The following FAM227B variants were observed in gnomAD, a reference collection of about 807,000 sequenced individuals.
FAM227B encodes the protein protein FAM227B.
FAM227B carries 88 observed loss-of-function variants against 73.8 expected under a neutral mutation model. The observed-to-expected ratio is 1.19, with a 90% CI of 1.00 to 1.42. The LOEUF is 1.42. Ranked by LOEUF, FAM227B falls within the 40% of genes most tolerant of loss-of-function variation. The pLI is 0.00. For missense variants in FAM227B, 632 were observed against 590.9 expected (o/e 1.07, Z -0.72); for synonymous variants, 210 against 190.5 (o/e 1.10, Z -0.84).
chr15:49,347,853 T>C (rs1220851353), intron 13 of FAM227B, among the ~76,000 whole-genome samples: 4 of 151,952 alleles, frequency 2.6e-5, no homozygotes, highest in African/African-American at 9.7e-5. Context: ...ACCCCGTCTC[T>C]ACTAAAAATA....
chr15:49,576,522 G>A (rs564643398), intron 7 of FAM227B: 15 of 421,154 alleles, frequency 3.6e-5, no homozygotes, highest in Admixed American at 2.0e-4. Context: ...GCCAGTGTAC[G>A]CTAGCAACCT....
chr15:49,460,123 G>A (rs1317215925), intron 11 of FAM227B, among the ~76,000 whole-genome samples: 2 of 152,060 alleles, frequency 1.3e-5, no homozygotes, highest in Non-Finnish European at 2.9e-5. Flanking sequence ...TCAAGCCAGA[G>A]CATCAGGTAT....
intron 11 of FAM227B, chr15:49,424,595 T>C: frequency 1.3e-6 from 2 of 1,551,930 alleles, no homozygotes; most frequent in Non-Finnish European, 1.7e-6. Context: ...TAAGTAATTT[T>C]AAGTACTGCT....
At chr15:49,413,039 C>A (rs929545880) in intron 11 of FAM227B, among the ~76,000 whole-genome samples, 4 of 152,084 alleles carry the variant, frequency 2.6e-5, no homozygotes, top group Non-Finnish European at 5.9e-5. Flanking sequence ...CACCATTTAT[C>A]CAGTTACAAA....
intron 10 of FAM227B, among the ~76,000 whole-genome samples, chr15:49,529,653 C>A (rs60728602): frequency 0.32 from 47,922 of 151,380 alleles, 8,162 homozygotes; most frequent in African/African-American, 0.42. Flanking sequence ...AACTATAGTG[C>A]AATATCACAC....
intron 11 of FAM227B, chr15:49,486,125 A>G (rs2056384622): frequency 6.6e-6 from 1 of 152,060 alleles, no homozygotes; most frequent in Non-Finnish European, 1.5e-5. Flanking sequence ...TATGCTAACC[A>G]CTGTGGTTTT....
chr15:49,510,349 TAAAAATGA>T (rs1195205978), intron 10 of FAM227B, among the ~76,000 whole-genome samples: 4 of 152,168 alleles, frequency 2.6e-5, no homozygotes, highest in African/African-American at 9.6e-5. Context: ...ATTGAGACTT[TAAAAATGA>T]ATCTGCTATA....
intron 11 of FAM227B, among the ~76,000 whole-genome samples, chr15:49,411,355 G>A (rs934708899): frequency 3.3e-5 from 5 of 151,894 alleles, no homozygotes; most frequent in Non-Finnish European, 7.4e-5. Context: ...ATATATTCTA[G>A]GTATGCTAAA....
intron 9 of FAM227B, among the ~76,000 whole-genome samples, chr15:49,543,941 A>G (rs1255768348): frequency 2.6e-5 from 4 of 152,108 alleles, no homozygotes; most frequent in Non-Finnish European, 4.4e-5. Context: ...TGATGCCTCT[A>G]AATTTGTTCT....
chr15:49,495,207 C>G lies in FAM227B; in HGVS notation c.1012+13004G>C, dbSNP rs1874613. Among the ~76,000 whole-genome samples the G allele has an allele frequency of 2.9e-3, 441 of 152,250 alleles. 7 individuals carry two copies. Among genetic ancestry groups the G allele is most frequent in the South Asian group, 0.026 (127 of 4,814 alleles). On this transcript the variant is annotated intron_variant, in intron 11 of 15. Coordinates refer to ENST00000299338, the MANE Select transcript of FAM227B (RefSeq NM_152647.3). ...TCTGGGGGAGGTATTTGCAGGCGAT[C>G]TTATGGTAGACATGGAAAATTATCT...
At chr15:49,385,660 A>G (rs922352459) in intron 11 of FAM227B, among the ~76,000 whole-genome samples, 4 of 151,744 alleles carry the variant, frequency 2.6e-5, no homozygotes, top group African/African-American at 7.3e-5. Context: ...TCTCAATATT[A>G]ATGTTGACTG....
At chr15:49,402,632 T>G (rs1308933065) in intron 11 of FAM227B, among the ~76,000 whole-genome samples, 1 of 152,208 alleles carries the variant, frequency 6.6e-6, no homozygotes, top group Non-Finnish European at 1.5e-5. Context: ...CACATTGATT[T>G]TGTATCCTGG....
chr15:49,548,045 T>G (rs2072205794), intron 9 of FAM227B, among the ~76,000 whole-genome samples: 2 of 152,198 alleles, frequency 1.3e-5, no homozygotes, highest in African/African-American at 4.8e-5. Flanking sequence ...CAGATGGAAT[T>G]CCAGTACTAT....
intron 11 of FAM227B, among the ~76,000 whole-genome samples, chr15:49,405,921 T>C (rs1329002597): frequency 1.3e-5 from 2 of 152,214 alleles, no homozygotes; most frequent in Non-Finnish European, 2.9e-5. Context: ...TGAATGGTTA[T>C]TTCTTTTATC....
chr15:49,397,311 G>T (rs2047755653), intron 11 of FAM227B, among the ~76,000 whole-genome samples: 1 of 152,108 alleles, frequency 6.6e-6, no homozygotes, highest in Non-Finnish European at 1.5e-5. Context: ...AGAATAAAAG[G>T]AAATGAGCAA....
At chr15:49,371,854 CTT>C (rs2045841481) in intron 11 of FAM227B, among the ~76,000 whole-genome samples, 1 of 122,604 alleles carries the variant, frequency 8.2e-6, no homozygotes, top group African/African-American at 3.1e-5. Context: ...ATAAAATTCA[CTT>C]ATAAATAAAT....
At chr15:49,550,006 G>A (rs1194974174) in intron 9 of FAM227B, among the ~76,000 whole-genome samples, 1 of 116,354 alleles carries the variant, frequency 8.6e-6, no homozygotes, top group African/African-American at 2.7e-5. Context: ...TGGCCGGGCA[G>A]GGGGCTGACC....
At position 49,600,354 on chromosome 15, in the gene FAM227B, T is replaced by C. The variant is rs561876688; in HGVS notation, c.106-10347A>G. 2.4e-4 allele frequency among the ~76,000 whole-genome samples: 37 copies of C among 151,476 alleles called. 1 individual carries two copies. The highest frequency in any genetic ancestry group is 7.0e-4 in the African/African-American group (29 of 41,436). ...CATATAGCTGTTTCTTTCTTTCTTT[T>C]TTTTTTTTTTTAAATCCGGCCAGGC... On this transcript the variant is annotated intron_variant, in intron 3 of 15. Coordinates refer to ENST00000299338, the MANE Select transcript of FAM227B (RefSeq NM_152647.3).
At chr15:49,342,658 A>G (rs2040913297) in intron 13 of FAM227B, among the ~76,000 whole-genome samples, 1 of 152,160 alleles carries the variant, frequency 6.6e-6, no homozygotes, top group Non-Finnish European at 1.5e-5. Context: ...TTTCTGTGGT[A>G]GAAGGTATCC....
Sources: allele counts gnomAD v4.1 joint callset (sites outside exome capture counted in the v4.1 genomes callset), GRCh38; gene constraint gnomAD v4.1.1; transcripts MANE v1.5; gene names NCBI Gene and HGNC (gene_info 2026-07-23, HGNC 2026-07-21).